Variants in INPP4B observed in about 807,000 individuals in gnomAD.
INPP4B encodes inositol polyphosphate-4-phosphatase type II B, also known as inositol polyphosphate 4-phosphatase type II.
In INPP4B, 55 loss-of-function variants were observed where a neutral mutation model predicts 122.5. The ratio of observed to expected loss-of-function variants is 0.45; its 90% CI spans 0.36 to 0.56. The LOEUF (loss-of-function observed/expected upper bound fraction) is 0.56, where lower values mean the gene tolerates loss of function less well. Among genes scored for constraint, INPP4B ranks in the 20% least tolerant of loss-of-function variants. The probability of loss-of-function intolerance (pLI) is 0.00; values close to 1 mark genes in which losing one functional copy is unlikely to be tolerated. For missense variants in INPP4B, 1,000 were observed against 1,097.7 expected (o/e 0.91, Z 1.26); for synonymous variants, 403 against 388.7 (o/e 1.04, Z -0.43).
intron 2 of INPP4B, among the ~76,000 whole-genome samples, chr4:142,469,088 C>G (rs2149663334): frequency 6.6e-6 from 1 of 151,862 alleles, no homozygotes; most frequent in East Asian, 1.9e-4. Context: ...TAGAATTAAG[C>G]TGACAATGGC....
intron 1 of INPP4B, among the ~76,000 whole-genome samples, chr4:142,819,311 C>T (rs1319653364): frequency 6.6e-6 from 1 of 152,130 alleles, no homozygotes; most frequent in Non-Finnish European, 1.5e-5. Flanking sequence ...ATATGGCCTG[C>T]AGAAATTGTG....
At chr4:142,099,374 T>G (rs1374407551) in intron 23 of INPP4B, among the ~76,000 whole-genome samples, 5 of 152,190 alleles carry the variant, frequency 3.3e-5, no homozygotes, top group African/African-American at 9.6e-5. Context: ...TGTTTCCAAA[T>G]ATACATATGT....
intron 16 of INPP4B, among the ~76,000 whole-genome samples, chr4:142,169,952 G>A (rs1824766344): frequency 6.6e-6 from 1 of 151,662 alleles, no homozygotes; most frequent in Non-Finnish European, 1.5e-5. Flanking sequence ...AACGCTAATA[G>A]ATTTCTGAGC....
intron 2 of INPP4B, among the ~76,000 whole-genome samples, chr4:142,546,730 T>C (rs796504125): frequency 2.6e-5 from 4 of 152,268 alleles, no homozygotes; most frequent in African/African-American, 9.6e-5. Flanking sequence ...TGTCGGTTAA[T>C]TTAAAAAGTC....
chr4:142,556,349 G>T (rs1192562147), intron 2 of INPP4B, among the ~76,000 whole-genome samples: 1 of 152,136 alleles, frequency 6.6e-6, no homozygotes, highest in Non-Finnish European at 1.5e-5. Flanking sequence ...GTCATTACTG[G>T]GTCCCTGACT....
At position 142,301,479 on chromosome 4, in the gene INPP4B, T is replaced by C. The variant is rs1286143672; in HGVS notation, c.503+3979A>G. 3.9e-5 allele frequency among the ~76,000 whole-genome samples: 6 copies of C among 152,256 alleles called. No individual in the cohort carries two copies. The East Asian group carries it at 5.8e-4, about 15-fold the overall frequency. ...GCTCTGGAGTCAGACCAAACTGAGT[T>C]CTAATCCCACTTGCACAGTCAGCAG... On this transcript the variant is annotated intron_variant, in intron 9 of 25. Coordinates refer to ENST00000262992, the MANE Select transcript of INPP4B (RefSeq NM_001101669.3).
intron 8 of INPP4B, among the ~76,000 whole-genome samples, chr4:142,314,135 G>A (rs1320320520): frequency 6.6e-6 from 1 of 152,056 alleles, no homozygotes; most frequent in African/African-American, 2.4e-5. Context: ...TATCTTTTAG[G>A]AGCTGCCACC....
At chr4:142,512,457 C>T (rs1824849582) in intron 2 of INPP4B, among the ~76,000 whole-genome samples, 1 of 152,146 alleles carries the variant, frequency 6.6e-6, no homozygotes. Flanking sequence ...AATAATATAA[C>T]ATTTTCAGAT....
At chr4:142,745,590 G>A (rs1382645583) in intron 1 of INPP4B, among the ~76,000 whole-genome samples, 1 of 151,728 alleles carries the variant, frequency 6.6e-6, no homozygotes, top group Non-Finnish European at 1.5e-5. Context: ...GTAACCCTTG[G>A]AATAAATACT....
At chr4:142,828,321 T>C (rs905194395) in intron 1 of INPP4B, among the ~76,000 whole-genome samples, 16 of 152,110 alleles carry the variant, frequency 1.1e-4, no homozygotes, top group African/African-American at 3.9e-4. Flanking sequence ...GCTTACACAA[T>C]ACTCAAAAGT....
In INPP4B at chr4:142,023,626, G is replaced by A. The variant is rs1027726458; in HGVS notation, c.*5156C>T. The A allele has an allele frequency of 6.6e-6, 1 of 152,150 alleles. No individual in the cohort carries two copies. The highest frequency in any genetic ancestry group is 2.4e-5 in the African/African-American group (1 of 41,436). 9.4% of individuals were successfully genotyped at this position (152,150 alleles called of 1,614,324 possible). On this transcript the variant is annotated 3_prime_UTR_variant, in exon 26 of 26. Coordinates refer to ENST00000262992, the MANE Select transcript of INPP4B (RefSeq NM_001101669.3). ...CAAAATTTGAGTCAATGTTACCTGT[G>A]AGTGCAATAGGTCATCATTGATCGC...
At chr4:142,577,079 A>C (rs1734013244) in intron 2 of INPP4B, among the ~76,000 whole-genome samples, 1 of 152,010 alleles carries the variant, frequency 6.6e-6, no homozygotes, top group Admixed American at 6.6e-5. Context: ...ATTTCTTAAT[A>C]ATGCTTTCCT....
chr4:142,105,072 T>C (rs1786334974), intron 23 of INPP4B, among the ~76,000 whole-genome samples: 1 of 152,136 alleles, frequency 6.6e-6, no homozygotes. Context: ...CCTCTTTCTC[T>C]GTAACAGGCA....
chr4:142,549,112 C>T (rs1209387696), intron 2 of INPP4B, among the ~76,000 whole-genome samples: 1 of 152,056 alleles, frequency 6.6e-6, no homozygotes, highest in Non-Finnish European at 1.5e-5. Flanking sequence ...GTTATCTACC[C>T]CAGGTCTCCC....
At chr4:142,070,908 T>C (rs1318549804) in intron 25 of INPP4B, among the ~76,000 whole-genome samples, 1 of 152,140 alleles carries the variant, frequency 6.6e-6, no homozygotes, top group Non-Finnish European at 1.5e-5. Flanking sequence ...ATGGCCATAC[T>C]GCCCAAGGTA....
chr4:142,456,883 A>G (rs1407164634), intron 3 of INPP4B, among the ~76,000 whole-genome samples: 1 of 151,576 alleles, frequency 6.6e-6, no homozygotes, highest in Non-Finnish European at 1.5e-5. Flanking sequence ...AAGGATAGCA[A>G]AAACAGTTTT....
chr4:142,775,795 G>C lies in INPP4B; in HGVS notation c.-253-49894C>G, dbSNP rs931624129. 1.3e-5 allele frequency among the ~76,000 whole-genome samples: 2 copies of C among 152,024 alleles called. 1 individual carries two copies. Among genetic ancestry groups the C allele is most frequent in the African/African-American group, 4.8e-5 (2 of 41,398 alleles). On this transcript the variant is annotated intron_variant, in intron 1 of 25. Transcript: ENST00000262992. ...GTCCATTATCAGATATGTTATTTAG[G>C]AAGGAAGCATCTCATTTCTCATTAT...
chr4:142,530,297 C>G (rs539957772), intron 2 of INPP4B, among the ~76,000 whole-genome samples: 1 of 152,054 alleles, frequency 6.6e-6, no homozygotes, highest in Non-Finnish European at 1.5e-5. Flanking sequence ...AGGAGAGAAT[C>G]AATTCTCTGT....
chr4:142,609,622 A>T (rs1190862094), intron 2 of INPP4B, among the ~76,000 whole-genome samples: 1 of 152,204 alleles, frequency 6.6e-6, no homozygotes, highest in African/African-American at 2.4e-5. Flanking sequence ...AAAAATTATG[A>T]TTCAAAATGT....
Sources: allele counts gnomAD v4.1 joint callset (sites outside exome capture counted in the v4.1 genomes callset), GRCh38; gene constraint gnomAD v4.1.1; transcripts MANE v1.5; gene names NCBI Gene and HGNC (gene_info 2026-07-23, HGNC 2026-07-21).